The following PDE4D variants were observed in gnomAD, a reference collection of about 807,000 sequenced individuals.
PDE4D encodes phosphodiesterase 4D, also known as 3',5'-cyclic-AMP phosphodiesterase 4D.
A neutral mutation model predicts 87.4 loss-of-function variants in PDE4D; 24 were observed. The ratio of observed to expected loss-of-function variants is 0.27; its 90% CI spans 0.20 to 0.39. PDE4D has a LOEUF of 0.39. Among genes scored for constraint, PDE4D ranks in the 10% least tolerant of loss-of-function variants. PDE4D has a pLI of 1.00. For missense variants in PDE4D, 714 were observed against 1,041.0 expected (o/e 0.69, Z 4.32); for synonymous variants, 384 against 383.2 (o/e 1.00, Z -0.02).
chr5:59,310,225 G>A (rs771993754), intron 1 of PDE4D, among the ~76,000 whole-genome samples: 3 of 151,954 alleles, frequency 2.0e-5, no homozygotes, highest in Non-Finnish European at 2.9e-5. Context: ...TCCCCAATAA[G>A]TCTACACCCT....
chr5:60,289,865 A>T (rs1583316155), intron 1 of PDE4D, among the ~76,000 whole-genome samples: 1 of 152,214 alleles, frequency 6.6e-6, no homozygotes, highest in East Asian at 1.9e-4. Flanking sequence ...GTCAAAAAGA[A>T]TCACCTTAGA....
At chr5:60,395,325 C>T (rs1053930131) in intron 1 of PDE4D, among the ~76,000 whole-genome samples, 5 of 151,544 alleles carry the variant, frequency 3.3e-5, no homozygotes, top group African/African-American at 1.2e-4. Context: ...TTTCTGGAAA[C>T]TTGACTGCTA....
Position 58,973,265 on chromosome 5 carries a change from A to C in PDE4D, c.*1399T>G, listed in dbSNP as rs1450199738. 6.6e-6 allele frequency: 1 copy of C among 152,222 alleles called. No homozygotes were observed. Among genetic ancestry groups the C allele is most frequent in the Non-Finnish European group, 1.5e-5 (1 of 68,030 alleles). The allele number at this position is 152,222 out of a possible 1,614,324, so 9.4% of individuals were successfully genotyped here. The stretch of plus-strand genomic sequence containing the variant: ...GATATACAACCTCGTGGTTGAAATG[A>C]ATGTTAACCCTAACTTAACTACCTG... On this transcript the variant is annotated 3_prime_UTR_variant, in exon 15 of 15. Coordinates refer to ENST00000340635, the MANE Select transcript of PDE4D (RefSeq NM_001104631.2).
intron 1 of PDE4D, among the ~76,000 whole-genome samples, chr5:59,692,719 C>T (rs1459617927): frequency 1.3e-5 from 2 of 152,078 alleles, no homozygotes; most frequent in Non-Finnish European, 2.9e-5. Flanking sequence ...CATTTAAATG[C>T]ATCGCTTTAG....
intron 1 of PDE4D, among the ~76,000 whole-genome samples, chr5:59,621,236 G>A (rs1830318759): frequency 6.6e-6 from 1 of 152,168 alleles, no homozygotes; most frequent in African/African-American, 2.4e-5. Context: ...CCCTCTTCCA[G>A]AGACTGGGTA....
chr5:59,347,586 C>T (rs1362558083), intron 1 of PDE4D, among the ~76,000 whole-genome samples: 4 of 152,178 alleles, frequency 2.6e-5, no homozygotes, highest in African/African-American at 9.6e-5. Flanking sequence ...CTACTGCTAC[C>T]GATTTTTAAC....
intron 1 of PDE4D, among the ~76,000 whole-genome samples, chr5:59,294,558 T>A (rs1768687178): frequency 1.3e-5 from 2 of 152,250 alleles, no homozygotes; most frequent in Admixed American, 6.5e-5. Flanking sequence ...ACCTGGCCCT[T>A]ACTCCAGCCA....
chr5:60,509,648 T>C (rs1056278678), intron 1 of PDE4D, among the ~76,000 whole-genome samples: 2 of 152,188 alleles, frequency 1.3e-5, no homozygotes, highest in African/African-American at 4.8e-5. Context: ...CTCCTGCTTC[T>C]TGGCTACACT....
intron 1 of PDE4D, among the ~76,000 whole-genome samples, chr5:60,408,584 G>C (rs760535773): frequency 1.3e-4 from 20 of 152,148 alleles, no homozygotes; most frequent in Non-Finnish European, 2.8e-4. Flanking sequence ...TGCAAATGGA[G>C]GGCCTGTAAT....
intron 5 of PDE4D, among the ~76,000 whole-genome samples, chr5:59,149,664 T>C (rs1387610837): frequency 4.8e-5 from 7 of 147,358 alleles, no homozygotes; most frequent in Non-Finnish European, 7.5e-5. Flanking sequence ...ATGGGTTAGT[T>C]AAAACATTAG....
intron 1 of PDE4D, among the ~76,000 whole-genome samples, chr5:59,749,220 C>T (rs1760072103): frequency 6.6e-6 from 1 of 152,124 alleles, no homozygotes; most frequent in Non-Finnish European, 1.5e-5. Flanking sequence ...TTTAGTTGAC[C>T]TATGAGCAGC....
intron 2 of PDE4D, among the ~76,000 whole-genome samples, chr5:60,000,114 A>G (rs1763890487): frequency 6.6e-6 from 1 of 152,154 alleles, no homozygotes; most frequent in African/African-American, 2.4e-5. Flanking sequence ...GTTCCAACAT[A>G]CACATAATGC....
chr5:60,208,555 TCATGAAAAAGG>T (rs1322179657), intron 1 of PDE4D, among the ~76,000 whole-genome samples: 1 of 151,946 alleles, frequency 6.6e-6, no homozygotes, highest in Non-Finnish European at 1.5e-5. Flanking sequence ...CTTAGAGGTG[TCATGAAAAAGG>T]CAGAAAAGGG....
At chr5:59,810,784 T>C (rs370541548) in intron 1 of PDE4D, among the ~76,000 whole-genome samples, 32 of 152,364 alleles carry the variant, frequency 2.1e-4, no homozygotes, top group Middle Eastern at 3.4e-3. Context: ...CAAACTTTAA[T>C]GGCTATTTGT....
chr5:59,175,789 T>G lies in PDE4D; in HGVS notation c.808+4806A>C, dbSNP rs1254811210. Among the ~76,000 whole-genome samples the G allele has an allele frequency of 7.6e-5, 11 of 143,990 alleles. No homozygotes were observed. The East Asian group carries it at 8.0e-4, about 10-fold the overall frequency. The allele number at this position is 143,990 out of a possible 152,430, so 94.5% of individuals were successfully genotyped here. On this transcript the variant is annotated intron_variant, in intron 5 of 14. Coordinates refer to ENST00000340635, the MANE Select transcript of PDE4D (RefSeq NM_001104631.2). Reference sequence around the variant, plus strand: ...CACCATGCCCGGCCTCCATTTTTTTTTTTTTTTTTTTTTTTTTACTTTAGG... The same window carrying G: ...CACCATGCCCGGCCTCCATTTTTTTGTTTTTTTTTTTTTTTTTACTTTAGG...
chr5:59,272,980 G>A (rs1208448447), intron 1 of PDE4D, among the ~76,000 whole-genome samples: 1 of 152,162 alleles, frequency 6.6e-6, no homozygotes, highest in Non-Finnish European at 1.5e-5. Flanking sequence ...GGGAATCCCG[G>A]AGGACAGTAG....
At chr5:59,740,977 A>G (rs1050452617) in intron 1 of PDE4D, among the ~76,000 whole-genome samples, 4 of 152,194 alleles carry the variant, frequency 2.6e-5, no homozygotes, top group Non-Finnish European at 5.9e-5. Context: ...AAAATGGTTT[A>G]GTCTCTTTGT....
chr5:59,317,360 A>G (rs1333096133), intron 1 of PDE4D, among the ~76,000 whole-genome samples: 2 of 152,124 alleles, frequency 1.3e-5, no homozygotes, highest in Non-Finnish European at 1.5e-5. Context: ...GAGGCCAGTT[A>G]ACAATGATTT....
intron 5 of PDE4D, among the ~76,000 whole-genome samples, chr5:59,059,176 T>C (rs1333289996): frequency 6.6e-6 from 1 of 152,150 alleles, no homozygotes; most frequent in African/African-American, 2.4e-5. Context: ...TTCATACTTT[T>C]AGGAACATTT....
Sources: gnomAD v4.1 joint callset for allele counts (sites outside exome capture counted in the v4.1 genomes callset) on GRCh38, gnomAD v4.1.1 for gene constraint, MANE v1.5 for transcripts, NCBI Gene and HGNC (gene_info 2026-07-23, HGNC 2026-07-21) for gene names.